MROH1: variants seen among roughly 807,000 people sequenced by gnomAD.
MROH1 encodes maestro heat like repeat family member 1.
Under a neutral mutation model 116.5 loss-of-function variants are expected in MROH1, and 117 were observed. That is an observed-to-expected ratio of 1.00 (90% CI 0.86 to 1.17). The LOEUF (loss-of-function observed/expected upper bound fraction) is 1.17, where lower values mean the gene tolerates loss of function less well. Ranked by LOEUF, MROH1 falls within the 50% of genes most tolerant of loss-of-function variation. MROH1 has a pLI of 0.00. For missense variants in MROH1, 1,873 were observed against 1,338.5 expected (o/e 1.40, Z -6.23); for synonymous variants, 921 against 583.9 (o/e 1.58, Z -8.32).
rs71320812 is a variant in MROH1, at chr8:144,209,027, T to TTGTGTGTGTGTG, written c.1141+8522_1141+8533dup. Among the ~76,000 whole-genome samples, 186 of 141,728 alleles carry TTGTGTGTGTGTG rather than the reference T, an allele frequency of 1.3e-3. 4 individuals are homozygous for TTGTGTGTGTGTG. The highest frequency in any genetic ancestry group is 4.6e-3 in the African/African-American group (169 of 36,868). 93.0% of individuals were successfully genotyped at this position (141,728 alleles called of 152,430 possible). A position where few individuals can be genotyped will look rare whatever the true frequency, so the allele number is the denominator to read the frequency against. ...GCATGAGCCAATGCACTCGGCCATTTTGTGTGTGTGTGTGTGTGTGTGTGT... is the reference window on the plus strand; with the variant it reads ...GCATGAGCCAATGCACTCGGCCATTTTGTGTGTGTGTGTGTGTGTGTGTGTGTGTGTGTGTGT... On this transcript the variant is annotated intron_variant, in intron 12 of 43. Transcript: ENST00000326134.
intron 3 of MROH1, among the ~76,000 whole-genome samples, 188 bp from the exon 4 acceptor site, chr8:144,168,107 T>G (rs1178650078): frequency 6.6e-6 from 1 of 152,152 alleles, no homozygotes; most frequent in Non-Finnish European, 1.5e-5. Context: ...GTCACCGCAG[T>G]GCACCTGACC....
chr8:144,197,417 CTTTTTTTTTTTTTTTTTTT>C (rs79749774), intron 10 of MROH1, among the ~76,000 whole-genome samples: 101 of 42,500 alleles, frequency 2.4e-3, no homozygotes, highest in African/African-American at 2.7e-3. Context: ...GCTGCAGCAT[CTTTTTTTTTTTTTTTTTTT>C]TTTTTTTTTT....
chr8:144,208,358 T>G (rs759578160), intron 12 of MROH1, among the ~76,000 whole-genome samples: 16 of 152,160 alleles, frequency 1.1e-4, no homozygotes, highest in Non-Finnish European at 2.1e-4. Flanking sequence ...TAACCTTATG[T>G]ATTAATGTAA....
At chr8:144,255,840 C>T (rs1017236303) in intron 35 of MROH1, 135 bp downstream of exon 35, 202 of 635,858 alleles carry the variant, frequency 3.2e-4, no homozygotes, top group South Asian at 5.2e-4. Context: ...AGGGAGCTGG[C>T]GCCTCACCCA....
At chr8:144,185,516 G>C (rs1182002200) in intron 7 of MROH1, among the ~76,000 whole-genome samples, 3 of 147,400 alleles carry the variant, frequency 2.0e-5, no homozygotes, top group Non-Finnish European at 4.5e-5. Context: ...GGGTGGCGCG[G>C]GGACCGCGGG....
At chr8:144,174,824 A>T in intron 4 of MROH1, 1 of 985,188 alleles carries the variant, frequency 1.0e-6, no homozygotes, top group Non-Finnish European at 1.2e-6. Context: ...TGCCTTTTTC[A>T]TGGGTTCCTA....
chr8:144,174,210 A>G (rs1424609244), intron 4 of MROH1, among the ~76,000 whole-genome samples: 2 of 152,178 alleles, frequency 1.3e-5, no homozygotes, highest in South Asian at 2.1e-4. Context: ...GTGGGGATCA[A>G]TCAGAGGAAA....
At chr8:144,200,227 G>A (rs918524484) in intron 11 of MROH1, among the ~76,000 whole-genome samples, 8 of 152,158 alleles carry the variant, frequency 5.3e-5, no homozygotes, top group Non-Finnish European at 2.9e-5. Context: ...TGCTGGCGCC[G>A]TGGGATAAGG....
rs1453624270 is a variant in MROH1 at position 144,182,343 on chromosome 8, A to G, written c.562+1820A>G. ...GGCCACGCCGTCCAGCAGGGCAGGC[A>G]TCCAGTAATTCCTCCCGGCCAAGGA... On this transcript the variant is annotated intron_variant, in intron 7 of 43. Coordinates refer to ENST00000326134, the MANE Select transcript of MROH1 (RefSeq NM_032450.3). The surrounding 1 kb of genome is among the most constrained non-coding windows in gnomAD (Gnocchi z 4.1). Among the ~76,000 whole-genome samples, 3 of 152,364 alleles carry G rather than the reference A, an allele frequency of 2.0e-5. No individual in the cohort carries two copies.
At chr8:144,223,312 C>T (rs1051469955) in intron 14 of MROH1, 82 bp downstream of exon 14, 2 of 1,504,284 alleles carry the variant, frequency 1.3e-6, no homozygotes, top group Non-Finnish European at 8.9e-7. Flanking sequence ...GAGCCACTGG[C>T]CCAGCAGAGG....
At chr8:144,174,590 C>T (rs1336298856) in intron 4 of MROH1, among the ~76,000 whole-genome samples, 1 of 151,644 alleles carries the variant, frequency 6.6e-6, no homozygotes, top group Admixed American at 6.6e-5. Flanking sequence ...CACAAGTGAT[C>T]CTCCTGCTTC....
intron 12 of MROH1, among the ~76,000 whole-genome samples, chr8:144,206,732 C>T (rs1308622473): frequency 6.7e-6 from 1 of 148,264 alleles, no homozygotes; most frequent in African/African-American, 2.5e-5. Flanking sequence ...CCTTTTTTCT[C>T]ATTTTAAATT....
chr8:144,152,611 A>G (rs987170339), intron 1 of MROH1, among the ~76,000 whole-genome samples: 1 of 151,566 alleles, frequency 6.6e-6, no homozygotes, highest in Non-Finnish European at 1.5e-5. Context: ...CAGTGGTGCA[A>G]TCTCGGCTCA....
chr8:144,191,935 C>T (rs1828719633), intron 9 of MROH1, 80 bp downstream of exon 9: 2 of 1,538,096 alleles, frequency 1.3e-6, no homozygotes, highest in Non-Finnish European at 1.8e-6. Flanking sequence ...GAGTCCTCGG[C>T]TAGGGCTCAG....
chr8:144,182,773 T>C lies in MROH1; in HGVS notation c.562+2250T>C, dbSNP rs1359153810. On this transcript the variant is annotated intron_variant, in intron 7 of 43. Coordinates refer to ENST00000326134, the MANE Select transcript of MROH1 (RefSeq NM_032450.3). This position sits in a 1 kb window ranked among gnomAD's most constrained non-coding sequence, Gnocchi z 4.1. ...TGGACAGAGATGGGAGGTCAAGAGA[T>C]GACGCAAAGGCATGCCCTAGTGGCC... Among the ~76,000 whole-genome samples the C allele has an allele frequency of 2.0e-5, 3 of 152,018 alleles. No homozygotes were observed. Among genetic ancestry groups the C allele is most frequent in the African/African-American group, 7.2e-5 (3 of 41,396 alleles).
intron 22 of MROH1, chr8:144,242,110 A>G (rs1193675095): frequency 1.2e-5 from 7 of 579,394 alleles, no homozygotes; most frequent in Non-Finnish European, 2.2e-5. Context: ...GCCCTCTGCT[A>G]CCTCGGCCCT....
chr8:144,257,075 T>A (rs1844004901), intron 35 of MROH1, among the ~76,000 whole-genome samples: 1 of 152,160 alleles, frequency 6.6e-6, no homozygotes, highest in African/African-American at 2.4e-5. Flanking sequence ...CCTGTATGTG[T>A]CAAGGGCATC....
chr8:144,195,605 G>A (rs1829714669), intron 10 of MROH1, among the ~76,000 whole-genome samples: 1 of 150,982 alleles, frequency 6.6e-6, no homozygotes, highest in Non-Finnish European at 1.5e-5. Flanking sequence ...GCCTCCCAAA[G>A]TATTGAGATT....
At chr8:144,207,946 CTTTT>C (rs1335877700) in intron 12 of MROH1, among the ~76,000 whole-genome samples, 1 of 135,136 alleles carries the variant, frequency 7.4e-6, no homozygotes. Flanking sequence ...TTTTTAATTA[CTTTT>C]TTTTTTTTTT....
Sources: allele counts gnomAD v4.1 joint callset (sites outside exome capture counted in the v4.1 genomes callset), GRCh38; gene constraint gnomAD v4.1.1; non-coding constraint Gnocchi (gnomAD v3.1); transcripts MANE v1.5; gene names NCBI Gene and HGNC (gene_info 2026-07-23, HGNC 2026-07-21).